CPNE4: variants seen among roughly 807,000 people sequenced by gnomAD.
CPNE4 encodes copine-4.
In CPNE4, 25 loss-of-function variants were observed where a neutral mutation model predicts 67.9. The observed-to-expected ratio is 0.37, with a 90% CI of 0.27 to 0.51. The LOEUF is 0.51. Ranked by LOEUF, CPNE4 falls within the 20% of genes least tolerant of loss-of-function variation. The pLI is 0.93. For missense variants in CPNE4, 464 were observed against 690.8 expected, an observed-to-expected ratio of 0.67 and a Z score of 3.68; for synonymous variants, 242 against 244.9, an observed-to-expected ratio of 0.99 and a Z score of 0.11.
At chr3:131,958,626 T>C (rs866258867) in intron 1 of CPNE4, among the ~76,000 whole-genome samples, 2,542 of 128,776 alleles carry the variant, frequency 0.02, 98 homozygotes, top group Non-Finnish European at 0.029. Flanking sequence ...TTTTTTTTTT[T>C]TTTTTTTTTT....
At chr3:131,866,535 A>C (rs1385565734) in intron 2 of CPNE4, among the ~76,000 whole-genome samples, 1 of 152,232 alleles carries the variant, frequency 6.6e-6, no homozygotes, top group Non-Finnish European at 1.5e-5. Flanking sequence ...TCTTACTGGT[A>C]AGAGCACCAT....
At chr3:131,713,489 A>C (rs1008717031) in intron 3 of CPNE4, among the ~76,000 whole-genome samples, 1 of 152,176 alleles carries the variant, frequency 6.6e-6, no homozygotes. Flanking sequence ...AGAGATGCTG[A>C]ATTTCGAAAA....
intron 1 of CPNE4, among the ~76,000 whole-genome samples, chr3:131,936,004 C>A (rs949484057): frequency 1.3e-5 from 2 of 151,930 alleles, no homozygotes; most frequent in African/African-American, 4.8e-5. Flanking sequence ...GAACCATAGA[C>A]CTCGTCCTTT....
intron 7 of CPNE4, among the ~76,000 whole-genome samples, chr3:131,615,361 A>G (rs979470998): frequency 6.6e-6 from 1 of 152,194 alleles, no homozygotes; most frequent in African/African-American, 2.4e-5. Context: ...GCAATAGATT[A>G]TCACAGAAAA....
At chr3:131,594,356 A>G (rs1002759941) in intron 7 of CPNE4, among the ~76,000 whole-genome samples, 1 of 152,248 alleles carries the variant, frequency 6.6e-6, no homozygotes, top group Admixed American at 6.5e-5. Context: ...ATAGGCAAAT[A>G]GACCAATAGA....
intron 2 of CPNE4, among the ~76,000 whole-genome samples, chr3:131,882,723 A>AC (rs2087725821): frequency 1.5e-5 from 2 of 136,162 alleles, no homozygotes; most frequent in African/African-American, 5.4e-5. Context: ...GTTCTGCTCT[A>AC]TTTTTTTTTT....
At chr3:132,008,313 GTTTTA>G in intron 1 of CPNE4, among the ~76,000 whole-genome samples, 1 of 152,102 alleles carries the variant, frequency 6.6e-6, no homozygotes, top group Non-Finnish European at 1.5e-5. Flanking sequence ...CTTGGTATCT[GTTTTA>G]TTTAAGGTTC....
At chr3:131,790,389 A>G (rs2083685227) in intron 2 of CPNE4, among the ~76,000 whole-genome samples, 1 of 152,114 alleles carries the variant, frequency 6.6e-6, no homozygotes, top group African/African-American at 2.4e-5. Context: ...TTTGTTCTGC[A>G]GGCCAATTGG....
At chr3:131,712,206 G>A (rs936009408) in intron 3 of CPNE4, among the ~76,000 whole-genome samples, 9 of 152,230 alleles carry the variant, frequency 5.9e-5, no homozygotes, top group Admixed American at 4.6e-4. Flanking sequence ...ATGATGTTTT[G>A]CCTAACATTT....
intron 5 of CPNE4, among the ~76,000 whole-genome samples, chr3:131,690,681 A>T (rs755622100): frequency 7.9e-5 from 12 of 152,048 alleles, no homozygotes; most frequent in Non-Finnish European, 1.3e-4. Flanking sequence ...AATTGTAACA[A>T]AGAATATTGA....
At chr3:131,799,116 A>G (rs1482830768) in intron 2 of CPNE4, among the ~76,000 whole-genome samples, 2 of 152,184 alleles carry the variant, frequency 1.3e-5, no homozygotes, top group African/African-American at 2.4e-5. Context: ...CCGACAGAAA[A>G]AAAATATGAA....
At chr3:131,982,940 T>C (rs534956315) in intron 1 of CPNE4, among the ~76,000 whole-genome samples, 20 of 152,182 alleles carry the variant, frequency 1.3e-4, no homozygotes, top group South Asian at 1.0e-3. Flanking sequence ...ATAGATAACA[T>C]TGACATGAGC....
At chr3:131,675,777 G>C (rs1583003077) in intron 6 of CPNE4, among the ~76,000 whole-genome samples, 1 of 151,602 alleles carries the variant, frequency 6.6e-6, no homozygotes, top group African/African-American at 2.4e-5. Flanking sequence ...CTTTTTATTG[G>C]AGTGTTTAGT....
intron 7 of CPNE4, among the ~76,000 whole-genome samples, chr3:131,629,760 A>C (rs1044574454): frequency 1.3e-5 from 2 of 152,068 alleles, no homozygotes; most frequent in African/African-American, 4.8e-5. Flanking sequence ...TGTAAATATA[A>C]CTTTTATTTG....
intron 1 of CPNE4, among the ~76,000 whole-genome samples, chr3:131,918,946 T>C (rs1161192387): frequency 6.6e-6 from 1 of 152,120 alleles, no homozygotes; most frequent in Middle Eastern, 3.2e-3. Context: ...TTTGGGAATA[T>C]TTTATTTACT....
chr3:131,857,384 G>T lies in CPNE4; in HGVS notation c.180+47880C>A, dbSNP rs536291528. The stretch of plus-strand genomic sequence containing the variant: ...CAGCAGTTTCATCATTCACTGTTTG[G>T]CAGGAAATGCTTCCTTATTTTTAAA... On this transcript the variant is annotated intron_variant, in intron 2 of 15. Coordinates refer to ENST00000429747, the MANE Select transcript of CPNE4 (RefSeq NM_130808.3). Among the ~76,000 whole-genome samples, 50 of 152,084 alleles carry T rather than the reference G, an allele frequency of 3.3e-4. 1 individual carries two copies. Among genetic ancestry groups the T allele is most frequent in the African/African-American group, 1.2e-3 (50 of 41,538 alleles).
At chr3:131,698,239 A>AAAAAAAAG (rs2081204901) in intron 4 of CPNE4, among the ~76,000 whole-genome samples, 1 of 148,516 alleles carries the variant, frequency 6.7e-6, no homozygotes, top group Non-Finnish European at 1.5e-5. Context: ...GTCTCAAAAA[A>AAAAAAAAG]AAAAAAAAAA....
chr3:132,032,769 G>A (rs1560819483), intron 1 of CPNE4, among the ~76,000 whole-genome samples: 1 of 152,124 alleles, frequency 6.6e-6, no homozygotes. Context: ...CTCGGTAAGG[G>A]AAATGAAAAT....
intron 2 of CPNE4, among the ~76,000 whole-genome samples, chr3:131,831,102 C>T (rs1451078590): frequency 2.6e-5 from 4 of 151,808 alleles, no homozygotes; most frequent in Admixed American, 1.3e-4. Context: ...GGTAGTTCAT[C>T]TAGTATATAA....
Sources: gnomAD v4.1 joint callset for allele counts (sites outside exome capture counted in the v4.1 genomes callset) on GRCh38, gnomAD v4.1.1 for gene constraint, MANE v1.5 for transcripts, NCBI Gene and HGNC (gene_info 2026-07-23, HGNC 2026-07-21) for gene names.